RARB: variants seen among roughly 807,000 people sequenced by gnomAD.
RARB encodes HBV-activated protein.
RARB carries 17 observed loss-of-function variants against 51.9 expected under a neutral mutation model. The ratio of observed to expected loss-of-function variants is 0.33; its 90% CI spans 0.22 to 0.49. The LOEUF is 0.49. Among genes scored for constraint, RARB ranks in the 20% least tolerant of loss-of-function variants. RARB has a pLI of 0.99. For missense variants in RARB, 369 were observed against 550.8 expected (o/e 0.67, Z 3.30); for synonymous variants, 215 against 195.4 (o/e 1.10, Z -0.84).
chr3:25,046,938 T>C (rs1256841314), intron 2 of RARB, among the ~76,000 whole-genome samples: 1 of 152,216 alleles, frequency 6.6e-6, no homozygotes, highest in Non-Finnish European at 1.5e-5. Flanking sequence ...TCAGGAACAC[T>C]TATTTCCTAG....
At chr3:25,496,731 C>T (rs900384479) in intron 2 of RARB, among the ~76,000 whole-genome samples, 14 of 152,312 alleles carry the variant, frequency 9.2e-5, no homozygotes, top group African/African-American at 2.9e-4. Flanking sequence ...TCCATGTATG[C>T]TTAGATCAGT....
chr3:25,203,512 G>A (rs989187732), intron 5 of RARB, among the ~76,000 whole-genome samples: 2 of 152,192 alleles, frequency 1.3e-5, no homozygotes, highest in African/African-American at 2.4e-5. Flanking sequence ...AGTTGATGCA[G>A]TTTCTTCCTA....
chr3:25,215,529 G>A (rs535946075), intron 5 of RARB, among the ~76,000 whole-genome samples: 1 of 152,292 alleles, frequency 6.6e-6, no homozygotes, highest in African/African-American at 2.4e-5. Flanking sequence ...TGCCTCTCCA[G>A]ACAGGGCAAG....
chr3:25,246,939 G>A (rs1186364880), intron 5 of RARB, among the ~76,000 whole-genome samples: 1 of 152,182 alleles, frequency 6.6e-6, no homozygotes, highest in Non-Finnish European at 1.5e-5. Context: ...CTTCCCTCAG[G>A]TGCTCTGTCC....
chr3:24,987,667 G>A (rs1027343793), intron 2 of RARB, among the ~76,000 whole-genome samples: 5 of 152,166 alleles, frequency 3.3e-5, no homozygotes, highest in Non-Finnish European at 7.3e-5. Flanking sequence ...GATTATTTAG[G>A]TCTAAATCCT....
chr3:25,407,501 A>G (rs1449207651), intron 5 of RARB, among the ~76,000 whole-genome samples: 1 of 152,164 alleles, frequency 6.6e-6, no homozygotes, highest in Non-Finnish European at 1.5e-5. Context: ...CCCTGATTCT[A>G]CTTTGGATAT....
At chr3:25,095,885 C>A (rs55774515) in intron 3 of RARB, among the ~76,000 whole-genome samples, 20,560 of 152,084 alleles carry the variant, frequency 0.14, 1,498 homozygotes, top group Non-Finnish European at 0.16. Context: ...CTTTTGTTTT[C>A]TCCTGAAAAT....
At chr3:25,294,180 A>T (rs989510070) in intron 5 of RARB, among the ~76,000 whole-genome samples, 1 of 152,210 alleles carries the variant, frequency 6.6e-6, no homozygotes, top group African/African-American at 2.4e-5. Flanking sequence ...GAGGACTGAG[A>T]TAAACCAAAA....
intron 2 of RARB, among the ~76,000 whole-genome samples, chr3:24,977,134 A>G (rs936367576): frequency 6.6e-6 from 1 of 152,098 alleles, no homozygotes; most frequent in African/African-American, 2.4e-5. Flanking sequence ...CTGTTTTGGT[A>G]CCGGTACCAT....
At chr3:25,097,052 T>C (rs1302835671) in intron 3 of RARB, among the ~76,000 whole-genome samples, 1 of 152,174 alleles carries the variant, frequency 6.6e-6, no homozygotes, top group Non-Finnish European at 1.5e-5. Context: ...TTATTCCTTT[T>C]AGTTCTTTTG....
intron 1 of RARB, among the ~76,000 whole-genome samples, chr3:25,434,203 G>T (rs562672595): frequency 1.0e-3 from 159 of 152,284 alleles, no homozygotes; most frequent in Non-Finnish European, 1.8e-3. Context: ...CTCAGGGGAG[G>T]GAGAAAGAAG....
At chr3:25,471,060 ATTAC>A (rs1383455842) in intron 2 of RARB, among the ~76,000 whole-genome samples, 5 of 152,252 alleles carry the variant, frequency 3.3e-5, no homozygotes, top group African/African-American at 1.2e-4. Flanking sequence ...CAAATAGTAT[ATTAC>A]TTTCATACAT....
intron 4 of RARB, among the ~76,000 whole-genome samples, chr3:25,155,998 G>C: frequency 6.6e-6 from 1 of 152,084 alleles, no homozygotes; most frequent in East Asian, 1.9e-4. Context: ...TTGTTTATTG[G>C]TGAGTCTGCT....
chr3:25,179,467 A>G (rs1291239648), intron 5 of RARB, among the ~76,000 whole-genome samples: 2 of 152,204 alleles, frequency 1.3e-5, no homozygotes, highest in African/African-American at 4.8e-5. Flanking sequence ...GATATCAGGG[A>G]CTTAATATAT....
At chr3:25,092,018 C>T (rs571262434) in intron 3 of RARB, among the ~76,000 whole-genome samples, 1 of 152,078 alleles carries the variant, frequency 6.6e-6, no homozygotes, top group African/African-American at 2.4e-5. Flanking sequence ...CTTTTATGGA[C>T]TTGTAGTATT....
intron 2 of RARB, among the ~76,000 whole-genome samples, chr3:24,979,017 G>T (rs558740775): frequency 3.3e-5 from 5 of 152,282 alleles, no homozygotes; most frequent in Admixed American, 3.3e-4. Context: ...TTACCCAGTA[G>T]TCATTTAGGA....
At position 25,574,715 on chromosome 3, in the gene RARB, A is replaced by C. The variant is rs554623077; in HGVS notation, c.609+4797A>C. Among the ~76,000 whole-genome samples, 10 of 152,334 alleles carry C rather than the reference A, an allele frequency of 6.6e-5. No individual in the cohort carries two copies. The South Asian group carries it at 2.1e-3, about 32-fold the overall frequency. On this transcript the variant is annotated intron_variant, in intron 4 of 7. Transcript: ENST00000330688. ...TTAACCTGCTCAGAAAAATGACCAC[A>C]AACAGAATTATTAACCACGAAAGAC...
At chr3:25,165,792 A>C (rs545519241) in intron 4 of RARB, among the ~76,000 whole-genome samples, 84 of 152,060 alleles carry the variant, frequency 5.5e-4, no homozygotes, top group Non-Finnish European at 1.0e-3. Flanking sequence ...CTCCCTAAAA[A>C]CCCCTATTTA....
At chr3:24,868,525 C>G (rs1702891446) in intron 2 of RARB, among the ~76,000 whole-genome samples, 1 of 152,140 alleles carries the variant, frequency 6.6e-6, no homozygotes, top group Non-Finnish European at 1.5e-5. Context: ...GACTCCTCCT[C>G]TTGGCCAGGG....
Sources: gnomAD v4.1 joint callset for allele counts (sites outside exome capture counted in the v4.1 genomes callset) on GRCh38, gnomAD v4.1.1 for gene constraint, MANE v1.5 for transcripts, NCBI Gene and HGNC (gene_info 2026-07-23, HGNC 2026-07-21) for gene names.